RPL7L1: variants seen among roughly 807,000 people sequenced by gnomAD.
RPL7L1 encodes the protein ribosomal protein uL30-like.
A neutral mutation model predicts 30.3 loss-of-function variants in RPL7L1; 20 were observed. The observed-to-expected ratio is 0.66, with a 90% CI of 0.46 to 0.96. RPL7L1 has a LOEUF of 0.96. Ranked by LOEUF, RPL7L1 falls within the 40% of genes least tolerant of loss-of-function variation. RPL7L1 has a pLI of 0.00. For synonymous variants in RPL7L1, 107 were observed against 110.1 expected (o/e 0.97, Z 0.18); for missense variants, 271 against 314.9 (o/e 0.86, Z 1.05).
chr6:42,885,954 T>A lies in RPL7L1; in HGVS notation c.450-20T>A. On this transcript the variant is annotated intron_variant, in intron 4 of 5. Coordinates refer to ENST00000493763, the MANE Select transcript of RPL7L1 (RefSeq NM_001366481.3). ...GTGTGCCAGGTGCTGGTGAAAACCGTGCTTTATTTTCCTACATAGATTTCC... is the reference window on the plus strand; with the variant it reads ...GTGTGCCAGGTGCTGGTGAAAACCGAGCTTTATTTTCCTACATAGATTTCC... The A allele has an allele frequency of 2.1e-6, 3 of 1,412,066 alleles. No homozygotes were observed. The highest frequency in any genetic ancestry group is 3.0e-6 in the Non-Finnish European group (3 of 997,652). 87.5% of individuals were successfully genotyped at this position (1,412,066 alleles called of 1,614,324 possible). A position where few individuals can be genotyped will look rare whatever the true frequency, so the allele number is the denominator to read the frequency against.
intron 4 of RPL7L1, 122 bp downstream of exon 4, chr6:42,884,872 C>G (rs917100911): frequency 1.9e-5 from 18 of 937,822 alleles, no homozygotes; most frequent in African/African-American, 4.9e-5. Context: ...TGACCACAGT[C>G]AACCTGAAAT....
rs1766254306 is a variant in RPL7L1, at chr6:42,886,092, TAC to T, written c.559+11_559+12del. The T allele has an allele frequency of 2.0e-6, 3 of 1,509,022 alleles. No homozygotes were observed. The highest frequency in any genetic ancestry group is 2.8e-6 in the Non-Finnish European group (3 of 1,087,266). 93.5% of individuals were successfully genotyped at this position (1,509,022 alleles called of 1,614,324 possible). A position where few individuals can be genotyped will look rare whatever the true frequency, so the allele number is the denominator to read the frequency against. ...GATTGAGGAGCACCTGGGTGAGTGC[TAC>T]AGCTTAGGGATCAGCTGGGGCAGAA... On this transcript the variant is annotated intron_variant, in intron 5 of 5. Transcript: ENST00000493763.
chr6:42,883,529 G>T lies in RPL7L1; in HGVS notation c.226G>T (p.Val76Leu). 1 of 1,610,626 alleles carries T rather than the reference G, an allele frequency of 6.2e-7. No homozygotes were observed. Among genetic ancestry groups the T allele is most frequent in the Non-Finnish European group, 8.5e-7 (1 of 1,178,194 alleles). The change falls in exon 3 of 6, where the codon GTG becomes TTG. Residue 76 changes from valine to leucine, a missense_variant. By Grantham distance (32) the Val-to-Leu change is conservative. Transcript: ENST00000493763. ...HDSWRQKRDK[V>L]RLRRLEVKPH... The stretch of plus-strand genomic sequence containing the variant: ...TTCCTGGCGGCAGAAACGTGACAAG[G>T]TGCGTCTCAGACGACTAGAAGTGAA...
rs1197750277 is a variant in RPL7L1 at position 42,883,625 on chromosome 6, G to C, written c.311+11G>C. The C allele has an allele frequency of 1.3e-6, 2 of 1,568,312 alleles. No homozygotes were observed. The highest frequency in any genetic ancestry group is 3.9e-5 in the Admixed American group (2 of 51,244). On this transcript the variant is annotated intron_variant, in intron 3 of 5. Transcript: ENST00000493763. Reference sequence around the variant, plus strand: ...TGTACGCATCGAAAGGTAAGGAACTGGTGTCTTTCTAATTGCATGAGGCTG... The same window carrying C: ...TGTACGCATCGAAAGGTAAGGAACTCGTGTCTTTCTAATTGCATGAGGCTG...
chr6:42,880,942 G>C lies in RPL7L1; in HGVS notation c.123G>C (p.Lys41Asn). 1 of 1,591,170 alleles carries C rather than the reference G, an allele frequency of 6.3e-7. No homozygotes were observed. Among genetic ancestry groups the C allele is most frequent in the Non-Finnish European group, 8.6e-7 (1 of 1,159,652 alleles). Residue 41 changes from lysine (K) to asparagine (N), a missense_variant, in exon 2 of 6, where the codon AAG (lysine) becomes AAC (asparagine). By Grantham distance (94) the Lys-to-Asn change is moderately conservative. Coordinates refer to ENST00000493763, the MANE Select transcript of RPL7L1 (RefSeq NM_001366481.3). ...AYQALKATQA[K>N]QALLAKKEQK... Reference sequence around the variant, plus strand: ...AAGCCCTCAAAGCCACCCAGGCAAAGCAGGCACTTTTGGCAAAGAAGGAGG... The same window carrying C: ...AAGCCCTCAAAGCCACCCAGGCAAACCAGGCACTTTTGGCAAAGAAGGAGG...
intron 4 of RPL7L1, chr6:42,885,638 A>G (rs1404128484): frequency 5.3e-6 from 1 of 187,658 alleles, no homozygotes; most frequent in African/African-American, 2.4e-5. Context: ...TTTATTTCCA[A>G]CTCTTGCACC....
Position 42,879,782 on chromosome 6 carries a change from T to G in RPL7L1, c.-129T>G. 1 of 901,494 alleles carries G rather than the reference T, an allele frequency of 1.1e-6. No individual in the cohort carries two copies. 55.8% of individuals were successfully genotyped at this position (901,494 alleles called of 1,614,324 possible). The stretch of plus-strand genomic sequence containing the variant: ...TGCAACTTTTGGCAGGAATCGGGGT[T>G]AGCGGGACCTCAAGGGCTCACTGCG... On this transcript the variant is annotated 5_prime_UTR_variant, in exon 1 of 6. Coordinates refer to ENST00000493763, the MANE Select transcript of RPL7L1 (RefSeq NM_001366481.3).
chr6:42,884,605 C>G lies in RPL7L1; in HGVS notation c.312-8C>G. ...AGTCTGTCTGACTTCTGTTGCTGTTCATTTCAGGATTGACGGCGTGAGTTT... is the reference window on the plus strand; with the variant it reads ...AGTCTGTCTGACTTCTGTTGCTGTTGATTTCAGGATTGACGGCGTGAGTTT... On this transcript the variant is annotated splice_polypyrimidine_tract_variant and splice_region_variant and intron_variant, in intron 3 of 5. Transcript: ENST00000493763. 1 of 1,610,956 alleles carries G rather than the reference C, an allele frequency of 6.2e-7. No homozygotes were observed. Among genetic ancestry groups the G allele is most frequent in the Non-Finnish European group, 8.5e-7 (1 of 1,178,906 alleles).
intron 5 of RPL7L1, 46 bp downstream of exon 5, chr6:42,886,129 C>A: frequency 1.4e-6 from 2 of 1,390,514 alleles, no homozygotes; most frequent in South Asian, 1.2e-5. Context: ...AAGCCAGGGT[C>A]TTTGAAGCTT....
chr6:42,885,883 G>T (rs1581659791), intron 4 of RPL7L1, 91 bp from the exon 5 acceptor site: 2 of 727,668 alleles, frequency 2.7e-6, no homozygotes, highest in East Asian at 5.0e-5. Flanking sequence ...TGAGTGTGTG[G>T]GAGAACCTCT....
At chr6:42,880,143 C>T (rs772616455) in intron 1 of RPL7L1, among the ~76,000 whole-genome samples, 192 bp downstream of exon 1, 6 of 152,116 alleles carry the variant, frequency 3.9e-5, no homozygotes, top group Non-Finnish European at 7.4e-5. Context: ...TTCGGGTTAT[C>T]TGGAGAGGCG....
chr6:42,882,071 T>G (rs1436829670), intron 2 of RPL7L1: 1 of 151,608 alleles, frequency 6.6e-6, no homozygotes, highest in African/African-American at 2.4e-5. Context: ...ACCGGCTGAT[T>G]TTTGTATTTT....
At position 42,888,850 on chromosome 6, in the gene RPL7L1, CAT is replaced by C. The variant is rs1766375767; in HGVS notation, c.*2388_*2389del. The C allele has an allele frequency of 1.3e-5, 2 of 152,298 alleles. No individual in the cohort carries two copies. The highest frequency in any genetic ancestry group is 2.1e-4 in the South Asian group (1 of 4,824). 9.4% of individuals were successfully genotyped at this position (152,298 alleles called of 1,614,324 possible). On this transcript the variant is annotated 3_prime_UTR_variant, in exon 6 of 6. Transcript: ENST00000493763. ...TTGCCTTTTGTCCTACTGGTAGTGACATAGACCAATAACAGGGCATCTGGGGA... is the reference window on the plus strand; with the variant it reads ...TTGCCTTTTGTCCTACTGGTAGTGACAGACCAATAACAGGGCATCTGGGGA...
In RPL7L1 at chr6:42,886,521, C is replaced by T. The variant is rs888311042; in HGVS notation, c.*57C>T. 135 of 794,064 alleles carry T rather than the reference C, an allele frequency of 1.7e-4. No individual in the cohort carries two copies. The highest frequency in any genetic ancestry group is 2.2e-4 in the Non-Finnish European group (104 of 472,618). The allele number at this position is 794,064 out of a possible 1,614,324, so 49.2% of individuals were successfully genotyped here. Reference sequence around the variant, plus strand: ...TGGGCTGACTTTTGATAGGCCATGCCTTGCCACTTTACAAGTTCTTTTTGC... The same window carrying T: ...TGGGCTGACTTTTGATAGGCCATGCTTTGCCACTTTACAAGTTCTTTTTGC... On this transcript the variant is annotated 3_prime_UTR_variant, in exon 6 of 6. Coordinates refer to ENST00000493763, the MANE Select transcript of RPL7L1 (RefSeq NM_001366481.3).
intron 3 of RPL7L1, 165 bp downstream of exon 3, chr6:42,883,779 CAGAT>C (rs1766166943): frequency 2.2e-6 from 1 of 461,272 alleles, no homozygotes; most frequent in African/African-American, 2.0e-5. Flanking sequence ...AGACCTTAGA[CAGAT>C]AGGCTTGAAA....
intron 3 of RPL7L1, 189 bp downstream of exon 3, chr6:42,883,803 A>G (rs961932859): frequency 1.0e-5 from 4 of 388,354 alleles, no homozygotes; most frequent in African/African-American, 6.2e-5. Flanking sequence ...AATAAGTGCT[A>G]TGAGGGTAAA....
At chr6:42,884,020 T>C (rs1766174496) in intron 3 of RPL7L1, 1 of 156,632 alleles carries the variant, frequency 6.4e-6, no homozygotes, top group Non-Finnish European at 1.4e-5. Context: ...GGGAGACATT[T>C]TTCCTCATTT....
chr6:42,881,024 C>A, intron 2 of RPL7L1, 58 bp downstream of exon 2: 1 of 923,880 alleles, frequency 1.1e-6, no homozygotes, highest in South Asian at 1.3e-5. Flanking sequence ...AGTTTTATCC[C>A]GCATGTGTTG....
intron 3 of RPL7L1, 49 bp from the exon 4 acceptor site, chr6:42,884,564 G>T: frequency 6.3e-7 from 1 of 1,584,662 alleles, no homozygotes; most frequent in South Asian, 1.1e-5. Flanking sequence ...TTGCTGGACT[G>T]ACATAAACTG....
Sources: allele counts gnomAD v4.1 joint callset (sites outside exome capture counted in the v4.1 genomes callset), GRCh38; gene constraint gnomAD v4.1.1; transcripts MANE v1.5; gene names NCBI Gene and HGNC (gene_info 2026-07-23, HGNC 2026-07-21).